The following RAB3GAP1 variants were observed in gnomAD, a reference collection of about 807,000 sequenced individuals.
RAB3GAP1 encodes RAB3 GTPase activating protein catalytic subunit 1, also known as rab3 GTPase-activating protein catalytic subunit.
Under a neutral mutation model 130.7 loss-of-function variants are expected in RAB3GAP1, and 86 were observed. That is an observed-to-expected ratio of 0.66 (90% CI 0.55 to 0.79). RAB3GAP1 has a LOEUF of 0.79. Among genes scored for constraint, RAB3GAP1 ranks in the 30% least tolerant of loss-of-function variants. The pLI is 0.00. For synonymous variants in RAB3GAP1, 367 were observed against 401.7 expected, an observed-to-expected ratio of 0.91 and a Z score of 1.03; for missense variants, 1,029 against 1,169.4, an observed-to-expected ratio of 0.88 and a Z score of 1.75.
rs535165082 is a variant in RAB3GAP1 at position 135,113,288 on chromosome 2, A to G, written c.482+18A>G. The G allele has an allele frequency of 7.4e-6, 12 of 1,613,896 alleles. No individual in the cohort carries two copies. In the African/African-American group the frequency reaches 1.2e-4, roughly 16 times the overall value. ...ACTGGCTGGTGAGTGGACATTTTTT[A>G]AAACCTAGACAAAAAAACTGTTTTT... is the stretch of plus-strand genomic sequence containing the variant. On this transcript the variant is annotated intron_variant, in intron 6 of 23. Transcript: ENST00000264158.
chr2:135,147,852 T>A (rs1250770492), intron 17 of RAB3GAP1, among the ~76,000 whole-genome samples: 1 of 152,172 alleles, frequency 6.6e-6, no homozygotes, highest in African/African-American at 2.4e-5. Context: ...AATAAGCTAA[T>A]TGTACATTTG....
At chr2:135,106,563 T>G (rs1690627066) in intron 5 of RAB3GAP1, among the ~76,000 whole-genome samples, 1 of 152,070 alleles carries the variant, frequency 6.6e-6, no homozygotes. Context: ...AGCATGCTTC[T>G]TAAGAGTCAT....
At chr2:135,141,102 AT>A (rs950936875) in intron 17 of RAB3GAP1, among the ~76,000 whole-genome samples, 1 of 147,300 alleles carries the variant, frequency 6.8e-6, no homozygotes, top group African/African-American at 2.5e-5. Flanking sequence ...GCCTTTGCCT[AT>A]TTTTTTCTTA....
At chr2:135,057,885 A>G (rs946496778) in intron 2 of RAB3GAP1, 126 bp from the exon 3 acceptor site, 1 of 703,850 alleles carries the variant, frequency 1.4e-6, no homozygotes, top group Non-Finnish European at 2.5e-6. Context: ...AGCTAGCAAT[A>G]CTAAATGTAC....
At chr2:135,164,188 C>CACAT (rs1476897049) in intron 22 of RAB3GAP1, among the ~76,000 whole-genome samples, 5 of 152,172 alleles carry the variant, frequency 3.3e-5, no homozygotes, top group African/African-American at 1.2e-4. Context: ...CACACACAGA[C>CACAT]ACATACCCCT....
rs1553440432 is a variant in RAB3GAP1, at chr2:135,081,327, A to ATATATATAT, written c.151-9671_151-9670insTATATATAT. Among the ~76,000 whole-genome samples, 4 of 64,046 alleles carry ATATATATAT rather than the reference A, an allele frequency of 6.2e-5. No homozygotes were observed. The East Asian group carries it at 3.2e-3, about 51-fold the overall frequency. 42.0% of individuals were successfully genotyped at this position (64,046 alleles called of 152,430 possible). A position where few individuals can be genotyped will look rare whatever the true frequency, so the allele number is the denominator to read the frequency against. ...GTCTCAAAAAAAAAAAAAAAAAAAA[A>ATATATATAT]ATATATATATATATATATATATATA... is the stretch of plus-strand genomic sequence containing the variant. On this transcript the variant is annotated intron_variant, in intron 3 of 23. Transcript: ENST00000264158.
intron 18 of RAB3GAP1, among the ~76,000 whole-genome samples, chr2:135,152,289 G>T (rs1222870673): frequency 1.3e-5 from 2 of 152,194 alleles, no homozygotes; most frequent in African/African-American, 4.8e-5. Flanking sequence ...TGCCCTTGTG[G>T]TACATACCTT....
intron 3 of RAB3GAP1, among the ~76,000 whole-genome samples, chr2:135,064,771 G>A (rs527693390): frequency 1.8e-5 from 1 of 55,678 alleles, no homozygotes; most frequent in Non-Finnish European, 3.7e-5. Context: ...TTTTTTTTTT[G>A]ATATGTGTAT....
downstream of RAB3GAP1, among the ~76,000 whole-genome samples, chr2:135,174,071 A>G (rs1164228899): frequency 1.3e-5 from 2 of 152,132 alleles, no homozygotes; most frequent in Admixed American, 6.5e-5. Context: ...AACTCAAGCT[A>G]CTTCATCTAA....
chr2:135,139,107 C>T (rs139286218), intron 17 of RAB3GAP1, among the ~76,000 whole-genome samples: 45 of 152,172 alleles, frequency 3.0e-4, no homozygotes, highest in African/African-American at 9.9e-4. Context: ...CTCCCCTGTT[C>T]TTATTGATTC....
At chr2:135,128,437 C>CT (rs1047363220) in intron 11 of RAB3GAP1, among the ~76,000 whole-genome samples, 1 of 152,154 alleles carries the variant, frequency 6.6e-6, no homozygotes, top group Non-Finnish European at 1.5e-5. Context: ...GTATATATCA[C>CT]TTTTAACAGT....
intron 5 of RAB3GAP1, among the ~76,000 whole-genome samples, chr2:135,094,424 A>G (rs1463461585): frequency 6.6e-6 from 1 of 152,126 alleles, no homozygotes; most frequent in Non-Finnish European, 1.5e-5. Context: ...TTATCTTGAC[A>G]TATACAACAA....
intron 5 of RAB3GAP1, among the ~76,000 whole-genome samples, chr2:135,103,634 A>G (rs1574110548): frequency 6.6e-6 from 1 of 152,010 alleles, no homozygotes; most frequent in Non-Finnish European, 1.5e-5. Context: ...TCTTCTCTCT[A>G]ATCTATGTTG....
chr2:135,169,098 TCTC>T lies in RAB3GAP1; in HGVS notation c.*318_*320del, dbSNP rs1448814419. The T allele has an allele frequency of 2.3e-6, 1 of 426,676 alleles. No homozygotes were observed. Among genetic ancestry groups the T allele is most frequent in the Admixed American group, 3.5e-5 (1 of 28,416 alleles). The allele number at this position is 426,676 out of a possible 1,614,324, so 26.4% of individuals were successfully genotyped here. On this transcript the variant is annotated 3_prime_UTR_variant, in exon 24 of 24. Transcript: ENST00000264158. ...ACTGGCAGGACGGTGTTCATCGCAT[TCTC>T]TTCTGTGACCAGCCTCTAGGCTAGC...
chr2:135,103,862 C>A (rs1020853179), intron 5 of RAB3GAP1, among the ~76,000 whole-genome samples: 3 of 152,124 alleles, frequency 2.0e-5, no homozygotes, highest in Non-Finnish European at 4.4e-5. Flanking sequence ...ATGGATTAGT[C>A]AAAAATTTAA....
intron 4 of RAB3GAP1, 78 bp downstream of exon 4, chr2:135,091,208 C>G: frequency 7.4e-7 from 1 of 1,347,952 alleles, no homozygotes; most frequent in South Asian, 1.3e-5. Context: ...ATTTAGTGTT[C>G]TTCCATAGTG....
At chr2:135,069,112 A>G (rs1192921206) in intron 3 of RAB3GAP1, among the ~76,000 whole-genome samples, 1 of 152,210 alleles carries the variant, frequency 6.6e-6, no homozygotes, top group Non-Finnish European at 1.5e-5. Flanking sequence ...AGTTAATTTG[A>G]TAATTCATTT....
chr2:135,122,517 A>G (rs945791327), intron 8 of RAB3GAP1, among the ~76,000 whole-genome samples: 1 of 152,110 alleles, frequency 6.6e-6, no homozygotes, highest in African/African-American at 2.4e-5. Context: ...TTAATCTTCT[A>G]TTGTCAGGTT....
chr2:135,139,085 T>C (rs537497641), intron 17 of RAB3GAP1, among the ~76,000 whole-genome samples: 1 of 152,350 alleles, frequency 6.6e-6, no homozygotes, highest in African/African-American at 2.4e-5. Flanking sequence ...CTATGATTTT[T>C]CTTTTAGGTT....
Sources: allele counts gnomAD v4.1 joint callset (sites outside exome capture counted in the v4.1 genomes callset), GRCh38; gene constraint gnomAD v4.1.1; transcripts MANE v1.5; gene names NCBI Gene and HGNC (gene_info 2026-07-23, HGNC 2026-07-21).